ATP2B4: variants seen among roughly 807,000 people sequenced by gnomAD.
The protein encoded by ATP2B4 is plasma membrane calcium-transporting ATPase 4.
ATP2B4 carries 39 observed loss-of-function variants against 110.3 expected under a neutral mutation model. The ratio of observed to expected loss-of-function variants is 0.35; its 90% CI spans 0.27 to 0.46. The LOEUF (loss-of-function observed/expected upper bound fraction) is 0.46, where lower values mean the gene tolerates loss of function less well. Among genes scored for constraint, ATP2B4 ranks in the 20% least tolerant of loss-of-function variants. The pLI is 1.00. For missense variants in ATP2B4, 1,135 were observed against 1,530.9 expected (o/e 0.74, Z 4.32); for synonymous variants, 538 against 571.7 (o/e 0.94, Z 0.84).
At chr1:203,710,801 A>G in intron 11 of ATP2B4, 76 bp from the exon 12 acceptor site, 1 of 1,217,916 alleles carries the variant, frequency 8.2e-7, no homozygotes, top group Non-Finnish European at 1.2e-6. Context: ...CAGAGTTGCC[A>G]AAATACCTGT....
chr1:203,728,210 C>G, intron 20 of ATP2B4: 1 of 470,054 alleles, frequency 2.1e-6, no homozygotes, highest in Non-Finnish European at 4.4e-6. Context: ...TTTCTTCAAG[C>G]CTCTTCCCTT....
chr1:203,659,127 C>T (rs924483867), intron 1 of ATP2B4, among the ~76,000 whole-genome samples: 2 of 151,724 alleles, frequency 1.3e-5, no homozygotes, highest in African/African-American at 4.9e-5. Context: ...GATTTCTAGG[C>T]TAATACTAAA....
intron 2 of ATP2B4, among the ~76,000 whole-genome samples, chr1:203,685,438 C>G (rs1251408912): frequency 6.6e-6 from 1 of 152,234 alleles, no homozygotes; most frequent in African/African-American, 2.4e-5. Context: ...TCTCCTATTT[C>G]TGAATCTTCC....
intron 1 of ATP2B4, among the ~76,000 whole-genome samples, chr1:203,651,641 A>G (rs1189062817): frequency 6.6e-6 from 1 of 152,248 alleles, no homozygotes; most frequent in Non-Finnish European, 1.5e-5. Context: ...ACGCACCTGC[A>G]GTCCCAGCTA....
chr1:203,707,313 TA>T, intron 9 of ATP2B4, 90 bp downstream of exon 9: 2 of 1,321,230 alleles, frequency 1.5e-6, no homozygotes, highest in Non-Finnish European at 1.0e-6. Context: ...TAAGCCATTC[TA>T]TCATCTATAA....
chr1:203,660,081 C>CAAAAAA (rs1220626290), intron 1 of ATP2B4, among the ~76,000 whole-genome samples: 1 of 145,086 alleles, frequency 6.9e-6, no homozygotes, highest in African/African-American at 2.6e-5. Flanking sequence ...GACTCCATCT[C>CAAAAAA]AAAAAAAAAA....
intron 20 of ATP2B4, among the ~76,000 whole-genome samples, chr1:203,730,168 C>T (rs1666657393): frequency 6.6e-6 from 1 of 151,280 alleles, no homozygotes; most frequent in Non-Finnish European, 1.5e-5. Flanking sequence ...TACCCTGCCC[C>T]TCTTTTTTGG....
intron 15 of ATP2B4, among the ~76,000 whole-genome samples, chr1:203,719,483 G>A (rs909377986): frequency 3.3e-5 from 5 of 152,016 alleles, no homozygotes; most frequent in Non-Finnish European, 5.9e-5. Flanking sequence ...GCCAAGGCAG[G>A]TGGATCACCT....
intron 15 of ATP2B4, among the ~76,000 whole-genome samples, chr1:203,717,150 A>T (rs1666179703): frequency 1.3e-5 from 2 of 152,036 alleles, no homozygotes; most frequent in South Asian, 4.2e-4. Context: ...GTGAGCCAAG[A>T]TCACGCCTCT....
chr1:203,736,158 C>T (rs1211206476), intron 20 of ATP2B4, among the ~76,000 whole-genome samples: 1 of 152,196 alleles, frequency 6.6e-6, no homozygotes, highest in South Asian at 2.1e-4. Context: ...TCCTTTTCTT[C>T]TGGTTTCTGA....
intron 19 of ATP2B4, among the ~76,000 whole-genome samples, chr1:203,724,577 T>A (rs952657208): frequency 1.3e-5 from 2 of 148,744 alleles, no homozygotes; most frequent in African/African-American, 4.9e-5. Context: ...AACTTTTCAA[T>A]GGAATTTTGC....
chr1:203,658,327 C>A (rs1451205226), intron 1 of ATP2B4, among the ~76,000 whole-genome samples: 3 of 148,640 alleles, frequency 2.0e-5, no homozygotes, highest in Admixed American at 1.3e-4. Context: ...AGTTCAAGAA[C>A]AGCCTGGGCA....
At chr1:203,681,081 A>G (rs1664997160) in intron 1 of ATP2B4, among the ~76,000 whole-genome samples, 2 of 152,300 alleles carry the variant, frequency 1.3e-5, no homozygotes, top group East Asian at 1.9e-4. Context: ...AGTTTGACAC[A>G]TTGCCTCAGG....
rs1000184564 is a variant in ATP2B4 at position 203,723,750 on chromosome 1, T to G, written c.3025-131T>G. 4 of 674,204 alleles carry G rather than the reference T, an allele frequency of 5.9e-6. No individual in the cohort carries two copies. The African/African-American group carries it at 7.3e-5, about 12-fold the overall frequency. 41.8% of individuals were successfully genotyped at this position (674,204 alleles called of 1,614,324 possible). A position where few individuals can be genotyped will look rare whatever the true frequency, so the allele number is the denominator to read the frequency against. ...TGAGATTTCTTCTTTTCCCTTCCCC[T>G]GCAAGCAAATCGGGACTTGTACCCA... On this transcript the variant is annotated intron_variant, in intron 18 of 20. Transcript: ENST00000357681.
chr1:203,722,268 A>G (rs1386127245), intron 17 of ATP2B4, among the ~76,000 whole-genome samples: 1 of 152,186 alleles, frequency 6.6e-6, no homozygotes, highest in Non-Finnish European at 1.5e-5. Context: ...AGGAAGGTCC[A>G]GGCTGCAGTG....
intron 14 of ATP2B4, among the ~76,000 whole-genome samples, chr1:203,713,958 T>C (rs1558047639): frequency 2.0e-5 from 3 of 152,198 alleles, no homozygotes; most frequent in Non-Finnish European, 4.4e-5. Flanking sequence ...ATCCATCCTA[T>C]GTGTTCTTCA....
At chr1:203,687,386 G>A (rs1665229892) in intron 2 of ATP2B4, among the ~76,000 whole-genome samples, 1 of 152,154 alleles carries the variant, frequency 6.6e-6, no homozygotes, top group South Asian at 2.1e-4. Context: ...GTTTAGTTAG[G>A]GTAGGCAGAC....
intron 1 of ATP2B4, among the ~76,000 whole-genome samples, chr1:203,675,122 C>T (rs1352023185): frequency 6.6e-6 from 1 of 152,238 alleles, no homozygotes; most frequent in Non-Finnish European, 1.5e-5. Flanking sequence ...TGTTTCCCTA[C>T]CCATGCCCTG....
chr1:203,738,720 A>G (rs1460876056), intron 20 of ATP2B4, among the ~76,000 whole-genome samples: 1 of 152,214 alleles, frequency 6.6e-6, no homozygotes. Context: ...TATCAGAGAC[A>G]TGAACGTGCA....
Sources: allele counts gnomAD v4.1 joint callset (sites outside exome capture counted in the v4.1 genomes callset), GRCh38; gene constraint gnomAD v4.1.1; transcripts MANE v1.5; gene names NCBI Gene and HGNC (gene_info 2026-07-23, HGNC 2026-07-21).